The following JMJD1C variants were observed in gnomAD, a reference collection of about 807,000 sequenced individuals.
JMJD1C encodes jumonji domain containing 1C, also known as jumonji domain-containing protein 1C.
JMJD1C carries 31 observed loss-of-function variants against 245.3 expected under a neutral mutation model. The ratio of observed to expected loss-of-function variants is 0.13; its 90% CI spans 0.09 to 0.17. JMJD1C has a LOEUF of 0.17. JMJD1C is among the 10% of genes least tolerant of loss of function. The probability of loss-of-function intolerance (pLI) is 1.00; values close to 1 mark genes in which losing one functional copy is unlikely to be tolerated. For synonymous variants in JMJD1C, 1,057 were observed against 1,017.4 expected (o/e 1.04, Z -0.74); for missense variants, 2,691 against 3,000.2 (o/e 0.90, Z 2.41).
intron 1 of JMJD1C, among the ~76,000 whole-genome samples, chr10:63,386,184 C>A (rs993297518): frequency 5.3e-5 from 8 of 152,284 alleles, no homozygotes; most frequent in East Asian, 3.9e-4. Flanking sequence ...GGACCCCACC[C>A]TCCCTAGCAG....
chr10:63,392,740 G>C (rs1948151873), intron 1 of JMJD1C, among the ~76,000 whole-genome samples: 1 of 148,604 alleles, frequency 6.7e-6, no homozygotes, highest in South Asian at 2.1e-4. Context: ...CAAGAGAACT[G>C]CTTGAACACG....
intron 2 of JMJD1C, among the ~76,000 whole-genome samples, chr10:63,361,741 A>AAAAAAAAAAAAAAAAAAAAT (rs1945361048): frequency 6.7e-6 from 1 of 150,000 alleles, no homozygotes; most frequent in African/African-American, 2.4e-5. Context: ...AAAAAAAAAA[A>AAAAAAAAAAAAAAAAAAAAT]AAAAAAGAAA....
chr10:63,381,062 T>C (rs1034854323), intron 1 of JMJD1C, among the ~76,000 whole-genome samples: 2 of 152,234 alleles, frequency 1.3e-5, no homozygotes, highest in Non-Finnish European at 2.9e-5. Context: ...GTGGTATATA[T>C]ACACAATAGA....
chr10:63,255,520 G>A (rs890975971), intron 3 of JMJD1C, among the ~76,000 whole-genome samples: 1 of 152,176 alleles, frequency 6.6e-6, no homozygotes, highest in Non-Finnish European at 1.5e-5. Context: ...TAACTTTCTA[G>A]TTCCCAATTC....
rs1241903352 is a variant in JMJD1C, at chr10:63,217,329, G to A, written c.556C>T (p.Pro186Ser). 1.3e-6 allele frequency: 2 copies of A among 1,562,464 alleles called. No individual in the cohort carries two copies. Among genetic ancestry groups the A allele is most frequent in the Admixed American group, 2.1e-5 (1 of 48,362 alleles). ...ACTCTGTATCCATTTAAGGAATAAG[G>A]ACCTTAAAAAAAACACAAGAAACAG... The part of the protein sequence containing the change: ...QKVQEIFMQG[P>S]YSLNGYRVRV... Residue 186 changes from proline (P) to serine (S), a missense_variant and splice_region_variant, in exon 5 of 26, where the codon CCT (proline) becomes TCT (serine). Coordinates refer to ENST00000399262, the MANE Select transcript of JMJD1C (RefSeq NM_032776.3).
At chr10:63,172,688 A>G (rs1842483011) in intron 24 of JMJD1C, among the ~76,000 whole-genome samples, 1 of 151,976 alleles carries the variant, frequency 6.6e-6, no homozygotes, top group African/African-American at 2.4e-5. Context: ...CACAATTTAC[A>G]GCTTTAAACT....
chr10:63,167,352 T>C lies in JMJD1C; in HGVS notation c.*693A>G, dbSNP rs1302236045. ...TTAAAAAAATACATCATTAAATGTA[T>C]ATATGTATATATTTACATAGCATAT... On this transcript the variant is annotated 3_prime_UTR_variant, in exon 26 of 26. Coordinates refer to ENST00000399262, the MANE Select transcript of JMJD1C (RefSeq NM_032776.3). 6.6e-6 allele frequency: 1 copy of C among 152,624 alleles called. No homozygotes were observed. Among genetic ancestry groups the C allele is most frequent in the Non-Finnish European group, 1.5e-5 (1 of 68,048 alleles). The allele number at this position is 152,624 out of a possible 1,614,324, so 9.5% of individuals were successfully genotyped here. A position where few individuals can be genotyped will look rare whatever the true frequency, so the allele number is the denominator to read the frequency against.
chr10:63,212,215 T>C (rs1589160864), intron 8 of JMJD1C, among the ~76,000 whole-genome samples: 2 of 152,262 alleles, frequency 1.3e-5, no homozygotes, highest in East Asian at 3.9e-4. Flanking sequence ...TTTTACAAGA[T>C]GAAAAAGTTC....
chr10:63,314,926 G>A (rs548954044), intron 2 of JMJD1C, among the ~76,000 whole-genome samples: 1 of 151,256 alleles, frequency 6.6e-6, no homozygotes, highest in African/African-American at 2.4e-5. Context: ...TGGGATTACA[G>A]GCTTGAGTTC....
chr10:63,269,221 G>C (rs989430075), intron 2 of JMJD1C: 1 of 985,350 alleles, frequency 1.0e-6, no homozygotes. Context: ...AAATGAGAAC[G>C]AGTACTTGGC....
chr10:63,427,653 C>T, intron 1 of JMJD1C: 2 of 1,321,738 alleles, frequency 1.5e-6, no homozygotes, highest in Non-Finnish European at 2.2e-6. Flanking sequence ...TGAACTCTAA[C>T]AACAGTGGCT....
intron 2 of JMJD1C, among the ~76,000 whole-genome samples, chr10:63,366,184 A>G (rs945179049): frequency 7.9e-5 from 12 of 152,206 alleles, no homozygotes; most frequent in Non-Finnish European, 1.5e-4. Context: ...CAGGAGACTA[A>G]AGGTCAGCCA....
At position 63,230,301 on chromosome 10, in the gene JMJD1C, G is replaced by C. The variant is rs143788293; in HGVS notation, c.448-10318C>G. ...GCAGGAGAATCCGTTGAACCTGGGA[G>C]GCAGAGGCTGCAGTGAGCTGAGATC... On this transcript the variant is annotated intron_variant, in intron 3 of 25. Coordinates refer to ENST00000399262, the MANE Select transcript of JMJD1C (RefSeq NM_032776.3). Among the ~76,000 whole-genome samples, 492 of 152,120 alleles carry C rather than the reference G, an allele frequency of 3.2e-3. 3 individuals carry two copies. Among genetic ancestry groups the C allele is most frequent in the African/African-American group, 0.011 (477 of 41,488 alleles).
intron 2 of JMJD1C, among the ~76,000 whole-genome samples, chr10:63,345,750 G>A (rs1165996807): frequency 6.6e-6 from 1 of 152,098 alleles, no homozygotes; most frequent in Non-Finnish European, 1.5e-5. Flanking sequence ...GGTTACCTGA[G>A]TCTATGAATT....
intron 1 of JMJD1C, among the ~76,000 whole-genome samples, chr10:63,473,725 T>A (rs1395608373): frequency 1.3e-5 from 2 of 152,146 alleles, no homozygotes; most frequent in Non-Finnish European, 2.9e-5. Flanking sequence ...TAAATTTTTG[T>A]TAAATTGCAT....
At chr10:63,295,954 CGTATATGTGTGTGTGT>C (rs1254629756) in intron 2 of JMJD1C, among the ~76,000 whole-genome samples, 41 of 28,414 alleles carry the variant, frequency 1.4e-3, no homozygotes, top group African/African-American at 4.4e-3. Context: ...TATATATACA[CGTATATGTGTGTGTGT>C]GTGTGTGTGT....
At chr10:63,252,054 A>C (rs1853163927) in intron 3 of JMJD1C, among the ~76,000 whole-genome samples, 2 of 152,164 alleles carry the variant, frequency 1.3e-5, no homozygotes, top group Admixed American at 1.3e-4. Context: ...CAATTGTCTT[A>C]ATCTATACCT....
At chr10:63,393,633 CCTGT>C (rs777376918) in intron 1 of JMJD1C, among the ~76,000 whole-genome samples, 210 of 152,218 alleles carry the variant, frequency 1.4e-3, no homozygotes, top group Non-Finnish European at 1.9e-3. Flanking sequence ...ATGGAATCAA[CCTGT>C]CTATTAACAG....
In JMJD1C at chr10:63,289,260, A is replaced by G. The variant is rs1440264161; in HGVS notation, c.334-24496T>C. Among the ~76,000 whole-genome samples the G allele has an allele frequency of 2.0e-5, 3 of 152,182 alleles. No individual in the cohort carries two copies. The East Asian group carries it at 5.8e-4, about 29-fold the overall frequency. The stretch of plus-strand genomic sequence containing the variant: ...TACTTCTACTCAGTTCATTCTTTTC[A>G]TAGTCATGTAACAAGACTTTCATTT... On this transcript the variant is annotated intron_variant, in intron 2 of 25. Coordinates refer to ENST00000399262, the MANE Select transcript of JMJD1C (RefSeq NM_032776.3).
Sources: allele counts gnomAD v4.1 joint callset (sites outside exome capture counted in the v4.1 genomes callset), GRCh38; gene constraint gnomAD v4.1.1; transcripts MANE v1.5; gene names NCBI Gene and HGNC (gene_info 2026-07-23, HGNC 2026-07-21).